FAM135B: variants seen among roughly 807,000 people sequenced by gnomAD.
FAM135B encodes the protein protein FAM135B.
A neutral mutation model predicts 127.7 loss-of-function variants in FAM135B; 43 were observed. The ratio of observed to expected loss-of-function variants is 0.34; its 90% CI spans 0.26 to 0.43. FAM135B has a LOEUF of 0.43. Among genes scored for constraint, FAM135B ranks in the 20% least tolerant of loss-of-function variants. FAM135B has a pLI of 1.00. For synonymous variants in FAM135B, 670 were observed against 665.1 expected (o/e 1.01, Z -0.11); for missense variants, 1,558 against 1,725.6 (o/e 0.90, Z 1.72).
In FAM135B at chr8:138,190,569, G is replaced by A. The variant is rs114441049; in HGVS notation, c.873+4689C>T. ...ACCCTGCAAAGCTGCGTCTTTAAGC[G>A]AAAATCTACATTGTATAGAGAATCT... On this transcript the variant is annotated intron_variant, in intron 9 of 19. Transcript: ENST00000395297. Among the ~76,000 whole-genome samples the A allele has an allele frequency of 8.2e-3, 1,242 of 152,314 alleles. 11 individuals are homozygous for A. The highest frequency in any genetic ancestry group is 0.025 in the African/African-American group (1,019 of 41,574).
chr8:138,229,676 T>C (rs527449922), intron 7 of FAM135B, among the ~76,000 whole-genome samples: 2 of 152,274 alleles, frequency 1.3e-5, no homozygotes, highest in Non-Finnish European at 2.9e-5. Flanking sequence ...CATGCTGCTA[T>C]AAAGAACTGC....
chr8:138,160,152 G>C (rs563069556), intron 12 of FAM135B, among the ~76,000 whole-genome samples: 2 of 152,232 alleles, frequency 1.3e-5, no homozygotes, highest in South Asian at 4.2e-4. Context: ...TGAGGGCACA[G>C]AAGGTTTATG....
At chr8:138,291,653 T>G (rs1395599743) in intron 3 of FAM135B, among the ~76,000 whole-genome samples, 2 of 152,152 alleles carry the variant, frequency 1.3e-5, no homozygotes, top group African/African-American at 4.8e-5. Flanking sequence ...TCTGTAAATA[T>G]AATACAGCAT....
At chr8:138,165,019 A>G (rs1819769461) in intron 12 of FAM135B, among the ~76,000 whole-genome samples, 1 of 152,194 alleles carries the variant, frequency 6.6e-6, no homozygotes, top group South Asian at 2.1e-4. Context: ...GTGGTGAGAA[A>G]GGAGTGAGCA....
At chr8:138,263,080 C>T (rs1467879091) in intron 4 of FAM135B, among the ~76,000 whole-genome samples, 1 of 151,786 alleles carries the variant, frequency 6.6e-6, no homozygotes, top group Non-Finnish European at 1.5e-5. Flanking sequence ...GGAAGAAGGA[C>T]ACAGCAAATG....
chr8:138,312,613 T>C (rs76711201), intron 2 of FAM135B, among the ~76,000 whole-genome samples: 3,428 of 152,258 alleles, frequency 0.023, 121 homozygotes, highest in East Asian at 0.14. Flanking sequence ...AGAAAACTTT[T>C]AGGCAACAGC....
At chr8:138,458,115 G>A (rs1836908520) in intron 1 of FAM135B, among the ~76,000 whole-genome samples, 1 of 152,132 alleles carries the variant, frequency 6.6e-6, no homozygotes, top group Non-Finnish European at 1.5e-5. Context: ...TCACGCCGCT[G>A]CACTCCAGCT....
intron 1 of FAM135B, among the ~76,000 whole-genome samples, chr8:138,391,698 T>C (rs575933521): frequency 6.6e-6 from 1 of 151,786 alleles, no homozygotes; most frequent in Admixed American, 6.6e-5. Flanking sequence ...TAATATTTAC[T>C]AAGCATTCCC....
chr8:138,144,978 C>A (rs1473376273), intron 15 of FAM135B, among the ~76,000 whole-genome samples: 3 of 152,058 alleles, frequency 2.0e-5, no homozygotes, highest in South Asian at 4.2e-4. Flanking sequence ...CTCTGACTGG[C>A]CTGGTTATCC....
At chr8:138,361,796 G>A (rs1830438728) in intron 2 of FAM135B, among the ~76,000 whole-genome samples, 1 of 152,050 alleles carries the variant, frequency 6.6e-6, no homozygotes, top group African/African-American at 2.4e-5. Context: ...TTGTCGGGCT[G>A]ACCCACATCC....
chr8:138,425,211 T>G (rs1049232328), intron 1 of FAM135B, among the ~76,000 whole-genome samples: 1 of 152,192 alleles, frequency 6.6e-6, no homozygotes, highest in Non-Finnish European at 1.5e-5. Flanking sequence ...ATTATATACA[T>G]GGATACATTT....
intron 10 of FAM135B, among the ~76,000 whole-genome samples, chr8:138,178,250 A>C (rs1273568143): frequency 8.0e-6 from 1 of 125,604 alleles, no homozygotes; most frequent in African/African-American, 3.3e-5. Context: ...ACCATCTCAA[A>C]GAAAAAAAAA....
chr8:138,485,335 C>G (rs1314657874), intron 1 of FAM135B, among the ~76,000 whole-genome samples: 2 of 152,134 alleles, frequency 1.3e-5, no homozygotes, highest in Non-Finnish European at 2.9e-5. Flanking sequence ...TAATGATATT[C>G]CCTTCGTCCA....
At chr8:138,217,376 T>A (rs1429993675) in intron 7 of FAM135B, among the ~76,000 whole-genome samples, 2 of 151,680 alleles carry the variant, frequency 1.3e-5, no homozygotes, top group Admixed American at 6.6e-5. Context: ...GGGAAAAAAA[T>A]ATCTCTTGCC....
At chr8:138,447,175 T>G (rs11783423) in intron 1 of FAM135B, among the ~76,000 whole-genome samples, 55,305 of 151,732 alleles carry the variant, frequency 0.36, 11,526 homozygotes, top group Non-Finnish European at 0.48. Flanking sequence ...GAGAGGATGT[T>G]GAGAGATGGG....
At chr8:138,491,877 T>C (rs1417401020) in intron 1 of FAM135B, among the ~76,000 whole-genome samples, 3 of 151,810 alleles carry the variant, frequency 2.0e-5, no homozygotes, top group African/African-American at 4.8e-5. Flanking sequence ...GAGGAGGGAG[T>C]AGCATGTGCT....
Position 138,304,890 on chromosome 8 carries a change from G to T in FAM135B, c.157+5951C>A, listed in dbSNP as rs371508533. 7.9e-5 allele frequency among the ~76,000 whole-genome samples: 12 copies of T among 152,314 alleles called. 1 individual carries two copies. The East Asian group carries it at 9.7e-4, about 12-fold the overall frequency. ...CTGTGACCTGCCTGGAAGCCAAAAA[G>T]ATGGAAGAGCCCCTTTTAAGTGCTT... On this transcript the variant is annotated intron_variant, in intron 3 of 19. Coordinates refer to ENST00000395297, the MANE Select transcript of FAM135B (RefSeq NM_015912.4).
At position 138,488,931 on chromosome 8, in the gene FAM135B, C is replaced by G. The variant is rs180747944; in HGVS notation, c.-20+7740G>C. On this transcript the variant is annotated intron_variant, in intron 1 of 19. Coordinates refer to ENST00000395297, the MANE Select transcript of FAM135B (RefSeq NM_015912.4). ...CCGCCCGCCTCAGCCTCCCAAAGTA[C>G]TGGGATTACAGGCGTGAGCCATCAC... 1.2e-4 allele frequency among the ~76,000 whole-genome samples: 19 copies of G among 152,316 alleles called. No individual in the cohort carries two copies. The East Asian group carries it at 3.5e-3, about 28-fold the overall frequency.
intron 9 of FAM135B, among the ~76,000 whole-genome samples, chr8:138,187,974 T>C (rs1454072909): frequency 6.6e-6 from 1 of 152,168 alleles, no homozygotes; most frequent in South Asian, 2.1e-4. Flanking sequence ...GGGATGGGTC[T>C]TAGAGAGGTT....
Sources: allele counts gnomAD v4.1 joint callset (sites outside exome capture counted in the v4.1 genomes callset), GRCh38; gene constraint gnomAD v4.1.1; transcripts MANE v1.5; gene names NCBI Gene and HGNC (gene_info 2026-07-23, HGNC 2026-07-21).